The following CIRSR variants were observed in gnomAD, a reference collection of about 807,000 sequenced individuals.
The protein encoded by CIRSR is CBF1 (RBPJ) interacting corepressor 1.
At chr2:174,377,401 G>A in the CIRSR span, among the ~76,000 whole-genome samples, 1 of 152,194 alleles carries the variant, frequency 6.6e-6, no homozygotes, top group Non-Finnish European at 1.5e-5. Context: ...AAGGGTACCT[G>A]TACTGGGGTA....
the CIRSR span, among the ~76,000 whole-genome samples, chr2:174,382,324 C>T: frequency 3.9e-5 from 6 of 152,050 alleles, no homozygotes; most frequent in Admixed American, 2.0e-4. Flanking sequence ...AAAATTCTTT[C>T]GTGAGGCCAG....
chr2:174,382,933 G>C, the CIRSR span, among the ~76,000 whole-genome samples: 1 of 152,072 alleles, frequency 6.6e-6, no homozygotes, highest in Admixed American at 6.6e-5. Flanking sequence ...AATCACAAAG[G>C]ATATATGACA....
the CIRSR span, among the ~76,000 whole-genome samples, chr2:174,354,634 ATATAT>A: frequency 1.2e-5 from 1 of 85,848 alleles, no homozygotes; most frequent in African/African-American, 4.7e-5. Context: ...ATTATATAAT[ATATAT>A]TATATATTTT....
the CIRSR span, chr2:174,380,954 CTT>C: frequency 1.6e-6 from 1 of 635,264 alleles, no homozygotes; most frequent in Non-Finnish European, 2.5e-6. Flanking sequence ...TTTTTTTCTT[CTT>C]TCACATGATA....
chr2:174,386,198 T>C, the CIRSR span, among the ~76,000 whole-genome samples: 8 of 152,300 alleles, frequency 5.3e-5, no homozygotes, highest in East Asian at 1.3e-3. Flanking sequence ...GTTGTTTATC[T>C]GAGACGGAGT....
chr2:174,389,185 C>T, the CIRSR span, among the ~76,000 whole-genome samples: 1 of 152,148 alleles, frequency 6.6e-6, no homozygotes. Context: ...GAGGTTGGAA[C>T]AGGAAAATGT....
At chr2:174,376,384 T>C in the CIRSR span, among the ~76,000 whole-genome samples, 1 of 152,190 alleles carries the variant, frequency 6.6e-6, no homozygotes, top group Non-Finnish European at 1.5e-5. Context: ...CACTTGATCC[T>C]GAAAAAGTTC....
the CIRSR span, among the ~76,000 whole-genome samples, chr2:174,354,539 A>ATATATATTATATTATATATATTT: frequency 3.7e-5 from 2 of 53,472 alleles, no homozygotes; most frequent in South Asian, 5.3e-4. Context: ...ATATTATATA[A>ATATATATTATATTATATATATTT]TATATATTAT....
At chr2:174,394,163 G>A in the CIRSR span, among the ~76,000 whole-genome samples, 1 of 152,150 alleles carries the variant, frequency 6.6e-6, no homozygotes. Context: ...TTTCTTGTAA[G>A]AAAGCTGATA....
the CIRSR span, among the ~76,000 whole-genome samples, chr2:174,371,717 C>G: frequency 6.6e-6 from 1 of 152,162 alleles, no homozygotes; most frequent in African/African-American, 2.4e-5. Context: ...CTTGCAGTTT[C>G]CAGTGATCAA....
chr2:174,388,143 T>A, the CIRSR span, among the ~76,000 whole-genome samples: 1 of 152,190 alleles, frequency 6.6e-6, no homozygotes, highest in African/African-American at 2.4e-5. Flanking sequence ...CATAATCCAA[T>A]TTGGCCGCAA....
the CIRSR span, among the ~76,000 whole-genome samples, chr2:174,371,971 G>A: frequency 6.6e-6 from 1 of 151,980 alleles, no homozygotes; most frequent in South Asian, 2.1e-4. Context: ...GACTTTTTTT[G>A]TAGCTTGAAT....
At chr2:174,362,960 T>A in the CIRSR span, among the ~76,000 whole-genome samples, 1 of 151,886 alleles carries the variant, frequency 6.6e-6, no homozygotes, top group South Asian at 2.1e-4. Flanking sequence ...ATTTCCAGAG[T>A]CTCCACCAGG....
At chr2:174,391,752 C>G in the CIRSR span, among the ~76,000 whole-genome samples, 2 of 152,102 alleles carry the variant, frequency 1.3e-5, no homozygotes, top group Non-Finnish European at 2.9e-5. Context: ...ATCGAAATAA[C>G]TTACATTCAT....
chr2:174,385,536 T>A, the CIRSR span, among the ~76,000 whole-genome samples: 1 of 152,100 alleles, frequency 6.6e-6, no homozygotes, highest in Admixed American at 6.6e-5. Context: ...GAAAGGAATC[T>A]GGGTGCCTAA....
the CIRSR span, among the ~76,000 whole-genome samples, chr2:174,349,947 CTGAG>C: frequency 6.6e-6 from 1 of 152,184 alleles, no homozygotes; most frequent in Admixed American, 6.5e-5. Context: ...TCCAGAAATT[CTGAG>C]TAAGAGTACA....
the CIRSR span, among the ~76,000 whole-genome samples, chr2:174,375,087 T>C: frequency 2.6e-5 from 4 of 152,208 alleles, no homozygotes; most frequent in African/African-American, 9.6e-5. Context: ...TAAATGATGA[T>C]TGAATAAATA....
At chr2:174,348,410 C>A in the CIRSR span, 1 of 1,509,300 alleles carries the variant, frequency 6.6e-7, no homozygotes. Flanking sequence ...CATAATTTAC[C>A]CCTTGCTAAA....
chr2:174,369,685 T>C, the CIRSR span, among the ~76,000 whole-genome samples: 1 of 152,198 alleles, frequency 6.6e-6, no homozygotes, highest in Non-Finnish European at 1.5e-5. Flanking sequence ...AATATCATTG[T>C]GTCTCAGAGA....
Sources: allele counts gnomAD v4.1 joint callset (sites outside exome capture counted in the v4.1 genomes callset), GRCh38; gene constraint gnomAD v4.1.1; transcripts MANE v1.5; gene names NCBI Gene and HGNC (gene_info 2026-07-23, HGNC 2026-07-21).